SLC39A11: variants seen among roughly 807,000 people sequenced by gnomAD.
SLC39A11 encodes solute carrier family 39 member 11, also known as zinc transporter ZIP11.
A neutral mutation model predicts 36.1 loss-of-function variants in SLC39A11; 33 were observed. That is an observed-to-expected ratio of 0.91 (90% CI 0.69 to 1.22). The LOEUF (loss-of-function observed/expected upper bound fraction) is 1.22. Among genes scored for constraint, SLC39A11 ranks in the 50% most tolerant of loss-of-function variants. The pLI is 0.00. For missense variants in SLC39A11, 432 were observed against 430.3 expected (o/e 1.00, Z -0.03); for synonymous variants, 166 against 170.3 (o/e 0.97, Z 0.20).
In SLC39A11 at chr17:72,726,937, G is replaced by C. The variant is rs537902343; in HGVS notation, c.671+9713C>G. Among the ~76,000 whole-genome samples the C allele has an allele frequency of 3.0e-3, 455 of 152,272 alleles. 1 individual carries two copies. Among genetic ancestry groups the C allele is most frequent in the South Asian group, 8.5e-3 (41 of 4,824 alleles). On this transcript the variant is annotated intron_variant, in intron 7 of 9. Coordinates refer to ENST00000255559, the MANE Select transcript of SLC39A11 (RefSeq NM_139177.4). ...TCTGGGTGTTGATTAGCAGTAGCTG[G>C]TCCGGTCATATCTTGGGGATGTGTT...
At chr17:72,889,726 A>G (rs2081628422) in intron 5 of SLC39A11, among the ~76,000 whole-genome samples, 1 of 152,178 alleles carries the variant, frequency 6.6e-6, no homozygotes, top group Admixed American at 6.5e-5. Flanking sequence ...TGGCTGTTGC[A>G]TAATCTGCAT....
chr17:72,709,026 C>G (rs1386642858), intron 7 of SLC39A11, among the ~76,000 whole-genome samples: 2 of 151,814 alleles, frequency 1.3e-5, no homozygotes, highest in Non-Finnish European at 2.9e-5. Flanking sequence ...AGCTCTGCCT[C>G]CCAGGTTCAT....
At chr17:72,848,486 G>A (rs1050592362) in intron 6 of SLC39A11, among the ~76,000 whole-genome samples, 6 of 152,112 alleles carry the variant, frequency 3.9e-5, no homozygotes, top group Non-Finnish European at 7.4e-5. Flanking sequence ...TTGAGGGGCC[G>A]AGGCAGGTGG....
At chr17:72,969,698 G>A (rs1203953618) in intron 4 of SLC39A11, among the ~76,000 whole-genome samples, 2 of 151,764 alleles carry the variant, frequency 1.3e-5, no homozygotes, top group African/African-American at 2.4e-5. Context: ...TAAATACACA[G>A]CAGACAATCC....
intron 5 of SLC39A11, among the ~76,000 whole-genome samples, chr17:72,851,872 AAATTT>A (rs1216304899): frequency 6.6e-6 from 1 of 152,202 alleles, no homozygotes; most frequent in Non-Finnish European, 1.5e-5. Context: ...ATGCTTAAAT[AAATTT>A]AAAAACATTA....
In SLC39A11 at chr17:72,853,620, T is replaced by C. The variant is rs75571621; in HGVS notation, c.431-3816A>G. Reference sequence around the variant, plus strand: ...TGCACGCCTGGCCCCAGGCTTCCAATGTGTGAAAACTGACGTCAGTGCCTT... The same window carrying C: ...TGCACGCCTGGCCCCAGGCTTCCAACGTGTGAAAACTGACGTCAGTGCCTT... On this transcript the variant is annotated intron_variant, in intron 5 of 9. Transcript: ENST00000255559. Among the ~76,000 whole-genome samples, 411 of 152,134 alleles carry C rather than the reference T, an allele frequency of 2.7e-3. 18 individuals are homozygous for C. In the East Asian group the frequency reaches 0.066, roughly 24 times the overall value.
chr17:72,879,505 T>C (rs1318289325), intron 5 of SLC39A11, among the ~76,000 whole-genome samples: 3 of 152,226 alleles, frequency 2.0e-5, no homozygotes, highest in African/African-American at 7.2e-5. Context: ...ATCTAGTTTC[T>C]ACATGCTCTT....
intron 4 of SLC39A11, among the ~76,000 whole-genome samples, chr17:72,964,643 G>C (rs183986621): frequency 3.5e-4 from 54 of 152,308 alleles, no homozygotes; most frequent in Admixed American, 6.5e-4. Context: ...AAACCAGGTA[G>C]AGTATGCCAA....
chr17:72,817,957 G>A (rs2077638048), intron 6 of SLC39A11: 1 of 152,248 alleles, frequency 6.6e-6, no homozygotes, highest in South Asian at 2.1e-4. Context: ...GGTGACAGGA[G>A]AGAGACATGC....
chr17:72,937,703 G>A (rs1313725554), intron 5 of SLC39A11, among the ~76,000 whole-genome samples: 1 of 152,164 alleles, frequency 6.6e-6, no homozygotes, highest in South Asian at 2.1e-4. Context: ...TTGAAGGCAC[G>A]TGTCTCCTGG....
intron 6 of SLC39A11, among the ~76,000 whole-genome samples, chr17:72,833,196 T>G (rs575759014): frequency 1.3e-5 from 2 of 152,340 alleles, no homozygotes; most frequent in African/African-American, 4.8e-5. Context: ...AAATATAGTC[T>G]GTGGCCAGGA....
intron 5 of SLC39A11, among the ~76,000 whole-genome samples, chr17:72,877,096 CA>C (rs2080939811): frequency 6.6e-6 from 1 of 152,214 alleles, no homozygotes; most frequent in Non-Finnish European, 1.5e-5. Context: ...ATCATCTTAT[CA>C]AAAGAGCCAA....
chr17:72,853,466 C>T (rs1429571209), intron 5 of SLC39A11, among the ~76,000 whole-genome samples: 1 of 152,104 alleles, frequency 6.6e-6, no homozygotes, highest in Admixed American at 6.5e-5. Context: ...AAGGATCCTA[C>T]TCTGAATCTC....
At chr17:72,797,467 A>G (rs1345534796) in intron 6 of SLC39A11, among the ~76,000 whole-genome samples, 1 of 152,086 alleles carries the variant, frequency 6.6e-6, no homozygotes, top group Admixed American at 6.6e-5. Context: ...AGAAGAAGGT[A>G]GCATTAGATG....
intron 3 of SLC39A11, among the ~76,000 whole-genome samples, chr17:73,077,429 T>C (rs1471166984): frequency 6.6e-6 from 1 of 152,232 alleles, no homozygotes; most frequent in African/African-American, 2.4e-5. Flanking sequence ...GCAATTCTCC[T>C]GCCTTAGCCT....
chr17:73,073,002 A>G (rs1433358947), intron 3 of SLC39A11, among the ~76,000 whole-genome samples: 3 of 152,166 alleles, frequency 2.0e-5, no homozygotes, highest in Admixed American at 2.0e-4. Context: ...CAACATGGTG[A>G]AACTCCATCT....
At chr17:72,653,052 T>A (rs1598225024) in intron 7 of SLC39A11, among the ~76,000 whole-genome samples, 1 of 151,182 alleles carries the variant, frequency 6.6e-6, no homozygotes, top group Admixed American at 6.6e-5. Context: ...TGGAAGGGAG[T>A]AGGGGGCATT....
intron 3 of SLC39A11, among the ~76,000 whole-genome samples, chr17:73,058,009 C>CTTT (rs11322974): frequency 8.4e-6 from 1 of 118,510 alleles, no homozygotes; most frequent in African/African-American, 3.0e-5. Flanking sequence ...GTTTTAGACT[C>CTTT]TTTTTTTTTT....
chr17:72,859,324 T>A (rs1377338196), intron 5 of SLC39A11, among the ~76,000 whole-genome samples: 1 of 143,332 alleles, frequency 7.0e-6, no homozygotes, highest in Non-Finnish European at 1.5e-5. Flanking sequence ...AAATTTCAGA[T>A]AAAACCAAGA....
Sources: gnomAD v4.1 joint callset for allele counts (sites outside exome capture counted in the v4.1 genomes callset) on GRCh38, gnomAD v4.1.1 for gene constraint, MANE v1.5 for transcripts, NCBI Gene and HGNC (gene_info 2026-07-23, HGNC 2026-07-21) for gene names.